The following TMA7 variants were observed in gnomAD, a reference collection of about 807,000 sequenced individuals.
TMA7 encodes translation machinery associated 7 homolog.
TMA7 carries 5 observed loss-of-function variants against 12.5 expected under a neutral mutation model. That is an observed-to-expected ratio of 0.40 (90% CI 0.21 to 0.84). The LOEUF is 0.84. Among genes scored for constraint, TMA7 ranks in the 40% least tolerant of loss-of-function variants. TMA7 has a pLI of 0.36. For synonymous variants in TMA7, 36 were observed against 28.1 expected (o/e 1.28, Z -0.89); for missense variants, 71 against 75.4 (o/e 0.94, Z 0.22).
intron 3 of TMA7, 173 bp downstream of exon 3, chr3:48,440,801 G>T (rs2039542977): frequency 1.5e-6 from 1 of 647,322 alleles, no homozygotes; most frequent in East Asian, 2.7e-5. Context: ...AGTAAGGGCC[G>T]GGAGCTGGAA....
chr3:48,443,941 C>CT lies in TMA7; in HGVS notation c.*60dup, dbSNP rs1319215785. On this transcript the variant is annotated 3_prime_UTR_variant, in exon 4 of 4. Transcript: ENST00000438607. ...TTATTTCATCTGTATTTAAACCTCTCTATTCCCTGCCATAACATCTTTTGC... is the reference window on the plus strand; with the variant it reads ...TTATTTCATCTGTATTTAAACCTCTCTTATTCCCTGCCATAACATCTTTTGC... 1.6e-6 allele frequency: 2 copies of CT among 1,256,408 alleles called. No individual in the cohort carries two copies. Among genetic ancestry groups the CT allele is most frequent in the Non-Finnish European group, 2.1e-6 (2 of 943,166 alleles). The allele number at this position is 1,256,408 out of a possible 1,614,324, so 77.8% of individuals were successfully genotyped here.
At chr3:48,442,895 C>G (rs527914627) in intron 3 of TMA7, among the ~76,000 whole-genome samples, 1 of 152,118 alleles carries the variant, frequency 6.6e-6, no homozygotes, top group South Asian at 2.1e-4. Context: ...AGTCAGATGA[C>G]TCAGGTTGGG....
At chr3:48,440,879 A>G (rs1210248604) in intron 3 of TMA7, 5 of 573,942 alleles carry the variant, frequency 8.7e-6, no homozygotes, top group African/African-American at 3.7e-5. Flanking sequence ...AAACGGAAAC[A>G]GTGAAATGTA....
chr3:48,442,993 A>G (rs1382453119), intron 3 of TMA7, among the ~76,000 whole-genome samples: 1 of 151,776 alleles, frequency 6.6e-6, no homozygotes, highest in African/African-American at 2.4e-5. Flanking sequence ...TAATCCCAGC[A>G]CTTTGGGAGG....
intron 3 of TMA7, among the ~76,000 whole-genome samples, chr3:48,443,564 T>G (rs758395074): frequency 6.6e-6 from 1 of 152,054 alleles, no homozygotes; most frequent in East Asian, 1.9e-4. Context: ...CTTCTTTTTC[T>G]GTAAAATGGG....
In TMA7 at chr3:48,443,988, G is replaced by A; in HGVS notation, c.*106G>A. On this transcript the variant is annotated 3_prime_UTR_variant, in exon 4 of 4. Transcript: ENST00000438607. ...TTGCCACGTATAGCTGGAATTAAGT[G>A]TTGTCTTGGAGCTGTTGTACATTTA... The A allele has an allele frequency of 1.2e-6, 1 of 830,814 alleles. No individual in the cohort carries two copies. Among genetic ancestry groups the A allele is most frequent in the South Asian group, 3.6e-5 (1 of 28,010 alleles). 51.5% of individuals were successfully genotyped at this position (830,814 alleles called of 1,614,324 possible).
At chr3:48,441,182 ATT>A (rs1026289807) in intron 3 of TMA7, 4 of 146,742 alleles carry the variant, frequency 2.7e-5, no homozygotes, top group South Asian at 2.1e-4. Context: ...CGCCTGGCTA[ATT>A]TTTTTTTTTT....
intron 3 of TMA7, among the ~76,000 whole-genome samples, chr3:48,442,258 CTCAA>C (rs1160614948): frequency 2.5e-5 from 2 of 80,202 alleles, no homozygotes; most frequent in African/African-American, 1.2e-4. Flanking sequence ...GAGACCCTAT[CTCAA>C]AAAAAAAAAA....
rs1313450327 is a variant in TMA7 at position 48,440,696 on chromosome 3, G to A, written c.160+68G>A. The A allele has an allele frequency of 2.2e-4, 322 of 1,437,722 alleles. 1 individual carries two copies. In the South Asian group the frequency reaches 3.8e-3, roughly 17 times the overall value. The allele number at this position is 1,437,722 out of a possible 1,614,324, so 89.1% of individuals were successfully genotyped here. A position where few individuals can be genotyped will look rare whatever the true frequency, so the allele number is the denominator to read the frequency against. ...GAGCACCTATTGGGATGAGGGCGCGGGCATGTCTTTTTCCTGCCTCCTGAA... is the reference window on the plus strand; with the variant it reads ...GAGCACCTATTGGGATGAGGGCGCGAGCATGTCTTTTTCCTGCCTCCTGAA... On this transcript the variant is annotated intron_variant, in intron 3 of 3. Transcript: ENST00000438607.
chr3:48,441,413 C>G (rs1270415375), intron 3 of TMA7, among the ~76,000 whole-genome samples: 7 of 151,342 alleles, frequency 4.6e-5, no homozygotes, highest in Admixed American at 2.6e-4. Flanking sequence ...GAACTCCTGA[C>G]TTCAAGTGAT....
intron 3 of TMA7, chr3:48,441,005 A>T (rs1159376908): frequency 1.5e-5 from 4 of 271,768 alleles, no homozygotes. Flanking sequence ...CTTGACTTAG[A>T]AGTTTTTTTG....
Position 48,440,578 on chromosome 3 carries a change from A to G in TMA7, c.110A>G (p.Gln37Arg), listed in dbSNP as rs2039535264. 1.2e-6 allele frequency: 2 copies of G among 1,611,962 alleles called. No individual in the cohort carries two copies. Among genetic ancestry groups the G allele is most frequent in the East Asian group, 2.2e-5 (1 of 44,852 alleles). Residue 37 changes from glutamine (Q) to arginine (R), a missense_variant, in exon 3 of 4, where the codon CAG becomes CGG. Transcript: ENST00000438607. ...TTCAAGCAGAAACAAAAAGAGGAGCAGAAGAAACTCGAGGAGCTAAAAGCG... is the reference window on the plus strand; with the variant it reads ...TTCAAGCAGAAACAAAAAGAGGAGCGGAAGAAACTCGAGGAGCTAAAAGCG... The part of the protein sequence containing the change: ...KAFKQKQKEE[Q>R]KKLEELKAKA...
chr3:48,443,113 G>A (rs1404832330), intron 3 of TMA7, among the ~76,000 whole-genome samples: 1 of 151,540 alleles, frequency 6.6e-6, no homozygotes, highest in East Asian at 1.9e-4. Flanking sequence ...GGTGGCATGC[G>A]CCTTTAGTCC....
intron 3 of TMA7, among the ~76,000 whole-genome samples, chr3:48,443,616 T>C (rs903727133): frequency 1.3e-5 from 2 of 152,052 alleles, no homozygotes; most frequent in African/African-American, 2.4e-5. Flanking sequence ...CTGTGAAGTA[T>C]ACAGAAGTGT....
chr3:48,440,639 G>T lies in TMA7; in HGVS notation c.160+11G>T. The T allele has an allele frequency of 6.2e-7, 1 of 1,608,568 alleles. No homozygotes were observed. Among genetic ancestry groups the T allele is most frequent in the South Asian group, 1.1e-5 (1 of 90,460 alleles). On this transcript the variant is annotated intron_variant, in intron 3 of 3. Coordinates refer to ENST00000438607, the MANE Select transcript of TMA7 (RefSeq NM_015933.6). ...GGAAGGGGCCCTTGGGTAAGTGGGG[G>T]CCGAATGGAGCTCAAGCTGGCCAAA...
intron 3 of TMA7, among the ~76,000 whole-genome samples, chr3:48,441,485 CTTT>C (rs35268029): frequency 6.9e-6 from 1 of 145,484 alleles, no homozygotes. Context: ...ACCTGGCCAA[CTTT>C]TTTTTTTTTT....
At chr3:48,442,291 C>T (rs1247829637) in intron 3 of TMA7, among the ~76,000 whole-genome samples, 3 of 151,250 alleles carry the variant, frequency 2.0e-5, no homozygotes, top group African/African-American at 7.3e-5. Flanking sequence ...GTATCTTGCA[C>T]CCTCTTTTAA....
chr3:48,440,277 G>A lies in TMA7; in HGVS notation c.-20G>A. On this transcript the variant is annotated 5_prime_UTR_variant, in exon 1 of 4. Transcript: ENST00000438607. ...GCTCCGTTTCCGGTGGCAGGGTCTG[G>A]GGAAGCGGCGGCAGGCGCCATGTCC... The A allele has an allele frequency of 6.3e-7, 1 of 1,598,164 alleles. No homozygotes were observed. The highest frequency in any genetic ancestry group is 8.5e-7 in the Non-Finnish European group (1 of 1,172,318).
Position 48,440,383 on chromosome 3 carries a change from C to G in TMA7, c.17-20C>G. On this transcript the variant is annotated intron_variant, in intron 1 of 3. Coordinates refer to ENST00000438607, the MANE Select transcript of TMA7 (RefSeq NM_015933.6). ...GACCGGGCGGCAGGGGCAGGCCGAA[C>G]GTGCTCGTGTCGCCCACAGGTGGCA... 1 of 1,611,648 alleles carries G rather than the reference C, an allele frequency of 6.2e-7. No homozygotes were observed. The highest frequency in any genetic ancestry group is 1.7e-4 in the Middle Eastern group (1 of 6,032).
Sources: gnomAD v4.1 joint callset for allele counts (sites outside exome capture counted in the v4.1 genomes callset) on GRCh38, gnomAD v4.1.1 for gene constraint, MANE v1.5 for transcripts, NCBI Gene and HGNC (gene_info 2026-07-23, HGNC 2026-07-21) for gene names.